The following ZNF100 variants were observed in gnomAD, a reference collection of about 807,000 sequenced individuals.
The protein encoded by ZNF100 is zinc finger protein 100, also known as zinc finger protein 100 (Y1).
ZNF100 carries 12 observed loss-of-function variants against 15.8 expected under a neutral mutation model. The ratio of observed to expected loss-of-function variants is 0.76; its 90% CI spans 0.49 to 1.23. ZNF100 has a LOEUF of 1.23. Among genes scored for constraint, ZNF100 ranks in the 50% most tolerant of loss-of-function variants. The probability of loss-of-function intolerance (pLI) is 0.00; values close to 1 mark genes in which losing one functional copy is unlikely to be tolerated. For synonymous variants in ZNF100, 226 were observed against 214.8 expected (o/e 1.05, Z -0.45); for missense variants, 670 against 635.6 (o/e 1.05, Z -0.58).
chr19:21,730,168 TAG>T (rs2035887298), intron 4 of ZNF100, among the ~76,000 whole-genome samples: 1 of 152,012 alleles, frequency 6.6e-6, no homozygotes, highest in Non-Finnish European at 1.5e-5. Flanking sequence ...ATACTTTCAA[TAG>T]AGACTTATTT....
rs2035736349 is a variant in ZNF100, at chr19:21,724,370, TTAAC to T, written c.*2309_*2312del. 6.6e-6 allele frequency: 1 copy of T among 152,162 alleles called. No homozygotes were observed. The highest frequency in any genetic ancestry group is 2.4e-5 in the African/African-American group (1 of 41,430). 9.4% of individuals were successfully genotyped at this position (152,162 alleles called of 1,614,324 possible). A position where few individuals can be genotyped will look rare whatever the true frequency, so the allele number is the denominator to read the frequency against. ...GGTTTATCTTTAGACTAACATATAT[TTAAC>T]TATATGTAAATCAAAACTAAATGTC... On this transcript the variant is annotated 3_prime_UTR_variant, in exon 5 of 5. Transcript: ENST00000358296.
chr19:21,751,634 A>G (rs1178169822), intron 2 of ZNF100: 1 of 1,499,538 alleles, frequency 6.7e-7, no homozygotes, highest in Non-Finnish European at 9.2e-7. Context: ...CAAGGACATT[A>G]CAGTTGAGGA....
In ZNF100 at chr19:21,767,409, C is replaced by G. The variant is rs370301991; in HGVS notation, c.3+18G>C. The G allele has an allele frequency of 3.0e-5, 49 of 1,608,842 alleles. No individual in the cohort carries two copies. The African/African-American group carries it at 6.4e-4, about 21-fold the overall frequency. On this transcript the variant is annotated intron_variant, in intron 1 of 4. Coordinates refer to ENST00000358296, the MANE Select transcript of ZNF100 (RefSeq NM_173531.4). ...GCCCTTTCGCCGTCTCTCGGGATGT[C>G]GGACCGGGCACTCTCACCATTTCTA...
chr19:21,749,271 C>T (rs1453108379), intron 2 of ZNF100, among the ~76,000 whole-genome samples: 1 of 150,792 alleles, frequency 6.6e-6, no homozygotes, highest in Non-Finnish European at 1.5e-5. Context: ...CCAAAGTTAT[C>T]TCTTGTATGA....
At position 21,726,829 on chromosome 19, in the gene ZNF100, T is replaced by TA. The variant is rs779844336; in HGVS notation, c.1482dup (p.Asn495Ter). The TA allele has an allele frequency of 3.7e-6, 6 of 1,613,376 alleles. No individual in the cohort carries two copies. The highest frequency in any genetic ancestry group is 5.1e-6 in the Non-Finnish European group (6 of 1,179,784). On this transcript the variant is annotated frameshift_variant, in exon 5 of 5. Transcript: ENST00000358296. LOFTEE classifies it low-confidence loss of function (END_TRUNC). Reference sequence around the variant, plus strand: ...TGTTTAGTAAGGGTTGAGGATCGGTTAAAAGCTTTGCCACATTCCTCACAT... The same window carrying TA: ...TGTTTAGTAAGGGTTGAGGATCGGTTAAAAAGCTTTGCCACATTCCTCACAT...
chr19:21,759,956 G>A (rs1464522406), intron 2 of ZNF100, among the ~76,000 whole-genome samples: 1 of 152,182 alleles, frequency 6.6e-6, no homozygotes, highest in Non-Finnish European at 1.5e-5. Flanking sequence ...GCCGAGATGG[G>A]TGGATCACCT....
chr19:21,722,840 TCA>T lies in ZNF100; in HGVS notation c.*3841_*3842del, dbSNP rs2035705404. 6.6e-6 allele frequency: 1 copy of T among 151,570 alleles called. No individual in the cohort carries two copies. Among genetic ancestry groups the T allele is most frequent in the African/African-American group, 2.4e-5 (1 of 41,392 alleles). The allele number at this position is 151,570 out of a possible 1,614,324, so 9.4% of individuals were successfully genotyped here. On this transcript the variant is annotated 3_prime_UTR_variant, in exon 5 of 5. Transcript: ENST00000358296. ...TAATAAAAAATAAATTTAAAATTGT[TCA>T]CTTACCATTAACTCTTAAAAATTTA...
At chr19:21,765,443 C>T (rs577816155) in intron 2 of ZNF100, among the ~76,000 whole-genome samples, 68 of 152,362 alleles carry the variant, frequency 4.5e-4, no homozygotes, top group Middle Eastern at 6.8e-3. Context: ...CTTACACCAT[C>T]TCACTGGGGT....
chr19:21,751,678 TC>T, intron 2 of ZNF100: 2 of 1,269,114 alleles, frequency 1.6e-6, no homozygotes, highest in Non-Finnish European at 2.3e-6. Flanking sequence ...TTTCGGAGCT[TC>T]TTCAGTTTAA....
At chr19:21,767,323 G>A in intron 1 of ZNF100, 104 bp downstream of exon 1, 1 of 1,593,436 alleles carries the variant, frequency 6.3e-7, no homozygotes, top group Middle Eastern at 1.7e-4. Flanking sequence ...GGCGCAGATT[G>A]TGAAGCTGAC....
At chr19:21,728,498 G>C (rs550389064) in intron 4 of ZNF100, among the ~76,000 whole-genome samples, 1 of 152,090 alleles carries the variant, frequency 6.6e-6, no homozygotes, top group Non-Finnish European at 1.5e-5. Flanking sequence ...AGAGACTGCT[G>C]TACCACAGAC....
At chr19:21,748,176 T>TA (rs377660798) in intron 2 of ZNF100, among the ~76,000 whole-genome samples, 1 of 152,198 alleles carries the variant, frequency 6.6e-6, no homozygotes, top group African/African-American at 2.4e-5. Context: ...AATAAGATGT[T>TA]AAAATGTATA....
intron 2 of ZNF100, among the ~76,000 whole-genome samples, chr19:21,747,342 G>A (rs1482582727): frequency 6.6e-6 from 1 of 151,864 alleles, no homozygotes; most frequent in Non-Finnish European, 1.5e-5. Context: ...AGAAGCTGTG[G>A]GGAAGGCACA....
At chr19:21,764,889 C>T (rs184950756) in intron 2 of ZNF100, among the ~76,000 whole-genome samples, 43 of 152,176 alleles carry the variant, frequency 2.8e-4, no homozygotes, top group Admixed American at 9.8e-4. Context: ...ATCTATGTAA[C>T]TCACCAATTA....
chr19:21,744,063 T>C lies in ZNF100; in HGVS notation c.276A>G (p.Lys92=), dbSNP rs2036168789. The change falls in exon 4 of 5, where the codon AAA becomes AAG. Residue 92 remains lysine, a synonymous_variant. Transcript: ENST00000358296. The part of the protein sequence containing the change: ...PDLITCLEQG[K]EPWNIKRHEM... ...CATGTCTCTTTATATTCCAGGGCTCTTTTCCTTGCTCCAGACAGGTGATCA... is the reference window on the plus strand; with the variant it reads ...CATGTCTCTTTATATTCCAGGGCTCCTTTCCTTGCTCCAGACAGGTGATCA... The C allele has an allele frequency of 1.2e-6, 2 of 1,612,034 alleles. No individual in the cohort carries two copies. The highest frequency in any genetic ancestry group is 1.7e-5 in the Admixed American group (1 of 59,712).
At position 21,765,873 on chromosome 19, in the gene ZNF100, T is replaced by C. The variant is rs1026968706; in HGVS notation, c.4-87A>G. Reference sequence around the variant, plus strand: ...GCGGATATCTCGGTTTATCCACAGATAGTACTGAAACCCAGGACCAGGAAA... The same window carrying C: ...GCGGATATCTCGGTTTATCCACAGACAGTACTGAAACCCAGGACCAGGAAA... On this transcript the variant is annotated intron_variant, in intron 1 of 4. Transcript: ENST00000358296. 4.5e-6 allele frequency: 6 copies of C among 1,341,336 alleles called. No homozygotes were observed. The Admixed American group carries it at 5.4e-5, about 12-fold the overall frequency. 83.1% of individuals were successfully genotyped at this position (1,341,336 alleles called of 1,614,324 possible).
At chr19:21,760,410 G>A (rs1354325172) in intron 2 of ZNF100, among the ~76,000 whole-genome samples, 5 of 150,984 alleles carry the variant, frequency 3.3e-5, no homozygotes, top group Non-Finnish European at 5.9e-5. Context: ...CGGGAGAATC[G>A]CTTGAACCTG....
At chr19:21,765,092 C>A (rs1426371003) in intron 2 of ZNF100, among the ~76,000 whole-genome samples, 1 of 152,142 alleles carries the variant, frequency 6.6e-6, no homozygotes, top group Non-Finnish European at 1.5e-5. Flanking sequence ...AAATTTTTGA[C>A]AAATGAAATA....
intron 2 of ZNF100, among the ~76,000 whole-genome samples, chr19:21,747,605 G>A (rs1050919060): frequency 6.7e-6 from 1 of 150,344 alleles, no homozygotes; most frequent in Non-Finnish European, 1.5e-5. Context: ...GCACCGCACA[G>A]AGTCCCTGAC....
Sources: gnomAD v4.1 joint callset for allele counts (sites outside exome capture counted in the v4.1 genomes callset) on GRCh38, gnomAD v4.1.1 for gene constraint, MANE v1.5 for transcripts, NCBI Gene and HGNC (gene_info 2026-07-23, HGNC 2026-07-21) for gene names.